The following NFKB1 variants were observed in gnomAD, a reference collection of about 807,000 sequenced individuals.
The protein encoded by NFKB1 is nuclear factor NF-kappa-B p105 subunit.
In NFKB1, 9 loss-of-function variants were observed where a neutral mutation model predicts 105.1. The observed-to-expected ratio is 0.09, with a 90% CI of 0.05 to 0.15. The LOEUF is 0.15. NFKB1 is among the 10% of genes least tolerant of loss of function. NFKB1 has a pLI of 1.00. For missense variants in NFKB1, 830 were observed against 1,203.7 expected, an observed-to-expected ratio of 0.69 and a Z score of 4.59; for synonymous variants, 440 against 442.2, an observed-to-expected ratio of 1.00 and a Z score of 0.06.
At chr4:102,576,411 G>T (rs899489036) in intron 6 of NFKB1, among the ~76,000 whole-genome samples, 2 of 152,020 alleles carry the variant, frequency 1.3e-5, no homozygotes, top group African/African-American at 4.8e-5. Flanking sequence ...AAATGAACCC[G>T]GTAAGACTTC....
intron 16 of NFKB1, among the ~76,000 whole-genome samples, chr4:102,601,900 C>G (rs892239108): frequency 7.2e-5 from 11 of 152,214 alleles, no homozygotes; most frequent in Non-Finnish European, 1.5e-4. Flanking sequence ...CACCAGTCTG[C>G]TGTATGGGGC....
At chr4:102,505,248 C>A (rs574501506) in intron 1 of NFKB1, among the ~76,000 whole-genome samples, 1 of 152,094 alleles carries the variant, frequency 6.6e-6, no homozygotes, top group Middle Eastern at 3.2e-3. Flanking sequence ...GAATAAGAGT[C>A]ACATAAGATG....
intron 5 of NFKB1, among the ~76,000 whole-genome samples, chr4:102,561,812 G>C (rs1723465924): frequency 6.6e-6 from 1 of 152,142 alleles, no homozygotes; most frequent in Non-Finnish European, 1.5e-5. Context: ...AGCTGTATAG[G>C]CTCTGGGAGT....
chr4:102,612,240 A>C (rs1227127266), intron 21 of NFKB1, 130 bp downstream of exon 21: 1 of 970,616 alleles, frequency 1.0e-6, no homozygotes, highest in Non-Finnish European at 1.6e-6. Context: ...TGCTGGAGGT[A>C]GATAAGGAGA....
intron 19 of NFKB1, among the ~76,000 whole-genome samples, chr4:102,609,611 CAAAAAAAAAA>C (rs34646774): frequency 0.026 from 1,647 of 64,308 alleles, 54 homozygotes; most frequent in African/African-American, 0.092. Flanking sequence ...GACTCCATCT[CAAAAAAAAAA>C]AAAAAAAAAA....
chr4:102,577,003 T>A lies in NFKB1; in HGVS notation c.535T>A (p.Leu179Met). The change falls in exon 7 of 24, where the codon TTG (leucine) becomes ATG (methionine). Residue 179 changes from leucine to methionine, a missense_variant. Transcript: ENST00000226574. ...GLLVHPDLAY[L>M]QAEGGGDRQL... is the part of the protein sequence containing the mutation. ...CTTGGTGCACCCTGACCTTGCCTAT[T>A]TGCAAGCAGAAGGTGGAGGGGACCG... 6.2e-7 allele frequency: 1 copy of A among 1,613,202 alleles called. No homozygotes were observed. The highest frequency in any genetic ancestry group is 1.7e-4 in the Middle Eastern group (1 of 6,056).
chr4:102,519,531 AT>A (rs1740432361), intron 1 of NFKB1, among the ~76,000 whole-genome samples: 1 of 151,840 alleles, frequency 6.6e-6, no homozygotes, highest in African/African-American at 2.4e-5. Context: ...TTGAGTTAAC[AT>A]TGTTTGGTAT....
intron 5 of NFKB1, among the ~76,000 whole-genome samples, chr4:102,539,405 A>G (rs1352581226): frequency 1.3e-5 from 2 of 152,286 alleles, no homozygotes; most frequent in East Asian, 1.9e-4. Flanking sequence ...TTACCTTTCA[A>G]GTGAAACTCA....
In NFKB1 at chr4:102,502,402, A is replaced by G. The variant is rs1179854229; in HGVS notation, c.-8+614A>G. On this transcript the variant is annotated intron_variant, in intron 1 of 23. Coordinates refer to ENST00000226574, the MANE Select transcript of NFKB1 (RefSeq NM_003998.4). ...CGCGCGCGCGCGCGCACACACACAC[A>G]CACACACACACACACACACACACAC... 1.8e-3 allele frequency among the ~76,000 whole-genome samples: 251 copies of G among 139,140 alleles called. 6 individuals carry two copies. Among genetic ancestry groups the G allele is most frequent in the African/African-American group, 5.8e-3 (221 of 38,010 alleles). The allele number at this position is 139,140 out of a possible 152,430, so 91.3% of individuals were successfully genotyped here. A position where few individuals can be genotyped will look rare whatever the true frequency, so the allele number is the denominator to read the frequency against.
chr4:102,588,490 G>A (rs930207403), intron 11 of NFKB1, among the ~76,000 whole-genome samples: 2 of 151,998 alleles, frequency 1.3e-5, no homozygotes, highest in African/African-American at 4.8e-5. Context: ...TGATTTTTCA[G>A]TCTGAAAGAT....
intron 15 of NFKB1, among the ~76,000 whole-genome samples, chr4:102,599,087 A>C (rs1297913348): frequency 6.6e-6 from 1 of 152,204 alleles, no homozygotes; most frequent in African/African-American, 2.4e-5. Context: ...AAAATATATA[A>C]AACTTCTGCT....
At chr4:102,606,429 C>T (rs1727731702) in intron 16 of NFKB1, 67 bp from the exon 17 acceptor site, 3 of 1,454,248 alleles carry the variant, frequency 2.1e-6, no homozygotes, top group Non-Finnish European at 2.9e-6. Flanking sequence ...GTAACAGCTA[C>T]CAAGCTGTGA....
intron 9 of NFKB1, among the ~76,000 whole-genome samples, 190 bp from the exon 10 acceptor site, chr4:102,582,676 C>T (rs1319008211): frequency 1.3e-5 from 2 of 151,822 alleles, no homozygotes; most frequent in South Asian, 2.1e-4. Flanking sequence ...AGTTGGGGCG[C>T]ATTACTGTGG....
At chr4:102,539,053 A>G (rs1741823612) in intron 5 of NFKB1, among the ~76,000 whole-genome samples, 1 of 152,022 alleles carries the variant, frequency 6.6e-6, no homozygotes, top group Non-Finnish European at 1.5e-5. Flanking sequence ...CCTGGCCAAT[A>G]TGGTGAAACC....
chr4:102,612,523 G>T lies in NFKB1; in HGVS notation c.2509G>T (p.Ala837Ser). The change falls in exon 22 of 24, where the codon GCG becomes TCG. Residue 837 changes from alanine (A) to serine (S), a missense_variant. Physicochemically the swap from Ala to Ser is moderately conservative, Grantham distance 99 (BLOSUM62 1). Coordinates refer to ENST00000226574, the MANE Select transcript of NFKB1 (RefSeq NM_003998.4). ...PDPDKNWATLAQKLGLGILNN... is the reference protein window; with the variant it reads ...PDPDKNWATLSQKLGLGILNN... Reference sequence around the variant, plus strand: ...TCCAGACAAAAACTGGGCTACTCTGGCGCAGAAATTAGGTCTGGGGATACT... The same window carrying T: ...TCCAGACAAAAACTGGGCTACTCTGTCGCAGAAATTAGGTCTGGGGATACT... 1 of 1,614,068 alleles carries T rather than the reference G, an allele frequency of 6.2e-7. No individual in the cohort carries two copies. Among genetic ancestry groups the T allele is most frequent in the Non-Finnish European group, 8.5e-7 (1 of 1,180,022 alleles).
At chr4:102,517,250 G>A (rs145694076) in intron 1 of NFKB1, among the ~76,000 whole-genome samples, 2 of 152,228 alleles carry the variant, frequency 1.3e-5, no homozygotes, top group East Asian at 1.9e-4. Flanking sequence ...AAGTGAGGGC[G>A]AATTTAGAAT....
chr4:102,602,790 G>A (rs1727302653), intron 16 of NFKB1, among the ~76,000 whole-genome samples: 1 of 152,140 alleles, frequency 6.6e-6, no homozygotes, highest in Admixed American at 6.5e-5. Flanking sequence ...CTAGTATGAA[G>A]TGTGATTGTA....
At chr4:102,601,055 T>A in intron 16 of NFKB1, 46 bp downstream of exon 16, 1 of 1,211,684 alleles carries the variant, frequency 8.3e-7, no homozygotes, top group South Asian at 1.3e-5. Context: ...ATCTGTAGTT[T>A]ACTTTTTCTT....
At chr4:102,518,424 G>A (rs1740344518) in intron 1 of NFKB1, among the ~76,000 whole-genome samples, 1 of 151,952 alleles carries the variant, frequency 6.6e-6, no homozygotes, top group South Asian at 2.1e-4. Flanking sequence ...GTACAAAGTG[G>A]GCTTTGACTA....
Sources: gnomAD v4.1 joint callset for allele counts (sites outside exome capture counted in the v4.1 genomes callset) on GRCh38, gnomAD v4.1.1 for gene constraint, MANE v1.5 for transcripts, NCBI Gene and HGNC (gene_info 2026-07-23, HGNC 2026-07-21) for gene names.